Variants in NFS1 observed in about 807,000 individuals in gnomAD.
NFS1 encodes NFS1 cysteine desulfurase.
A neutral mutation model predicts 57.3 loss-of-function variants in NFS1; 26 were observed. The ratio of observed to expected loss-of-function variants is 0.45; its 90% confidence interval spans 0.33 to 0.63. NFS1 has a LOEUF of 0.63. Ranked by LOEUF, NFS1 falls within the 20% of genes least tolerant of loss-of-function variation. The probability of loss-of-function intolerance (pLI) is 0.02; values close to 1 mark genes in which losing one functional copy is unlikely to be tolerated. For missense variants in NFS1, 505 were observed against 605.8 expected (o/e 0.83, Z 1.75); for synonymous variants, 209 against 216.3 (o/e 0.97, Z 0.30).
In NFS1 at chr20:35,698,463, G is replaced by A; in HGVS notation, c.207+18C>T. The A allele has an allele frequency of 6.4e-7, 1 of 1,564,206 alleles. No homozygotes were observed. Among genetic ancestry groups the A allele is most frequent in the East Asian group, 2.3e-5 (1 of 43,768 alleles). ...ATTTACTTCCTATAAGCAGCCTTGG[G>A]AAAAGCTTCATCCTTACCAGAGGAG... is the stretch of plus-strand genomic sequence containing the variant. On this transcript the variant is annotated intron_variant, in intron 2 of 12. Coordinates refer to ENST00000374092, the MANE Select transcript of NFS1 (RefSeq NM_021100.5).
intron 7 of NFS1, among the ~76,000 whole-genome samples, chr20:35,678,071 C>T (rs373085795): frequency 2.0e-5 from 3 of 151,650 alleles, no homozygotes; most frequent in Non-Finnish European, 2.9e-5. Flanking sequence ...AAAATTAGGC[C>T]GGGTGTGGTG....
In NFS1 at chr20:35,697,016, G is replaced by A. The variant is rs112989550; in HGVS notation, c.325-556C>T. ...AGCTACTTGGGAGGCTGAGGTAGGA[G>A]AACTGCTTGAACCCGGGAGGCAGAG... On this transcript the variant is annotated intron_variant, in intron 3 of 12. Coordinates refer to ENST00000374092, the MANE Select transcript of NFS1 (RefSeq NM_021100.5). Among the ~76,000 whole-genome samples, 11 of 152,340 alleles carry A rather than the reference G, an allele frequency of 7.2e-5. 1 individual carries two copies. The highest frequency in any genetic ancestry group is 2.6e-4 in the African/African-American group (11 of 41,572).
At chr20:35,674,485 A>C in intron 9 of NFS1, 27 bp downstream of exon 9, 1 of 1,611,540 alleles carries the variant, frequency 6.2e-7, no homozygotes. Flanking sequence ...CTCTACCAGA[A>C]TGAGGATAGA....
chr20:35,688,252 GA>G (rs1208376021), intron 5 of NFS1, among the ~76,000 whole-genome samples: 36 of 138,206 alleles, frequency 2.6e-4, no homozygotes, highest in East Asian at 4.3e-4. Flanking sequence ...TCCATCTCAA[GA>G]AAAAAAAAAA....
Position 35,669,520 on chromosome 20 carries a change from TACCAATCTAG to T in NFS1, c.*92_*101del, listed in dbSNP as rs1179742012. ...ACTGATGCTGAAGTCAACTGGTCTA[TACCAATCTAG>T]AGCATCCACTAGGTGTAACAAGGTG... is the stretch of plus-strand genomic sequence containing the variant. On this transcript the variant is annotated 3_prime_UTR_variant, in exon 13 of 13. Coordinates refer to ENST00000374092, the MANE Select transcript of NFS1 (RefSeq NM_021100.5). The T allele has an allele frequency of 9.8e-7, 1 of 1,017,726 alleles. No homozygotes were observed. Among genetic ancestry groups the T allele is most frequent in the African/African-American group, 1.6e-5 (1 of 63,422 alleles). The allele number at this position is 1,017,726 out of a possible 1,614,324, so 63.0% of individuals were successfully genotyped here. A position where few individuals can be genotyped will look rare whatever the true frequency, so the allele number is the denominator to read the frequency against.
intron 8 of NFS1, 95 bp from the exon 9 acceptor site, chr20:35,674,712 G>C: frequency 2.1e-6 from 2 of 950,944 alleles, no homozygotes; most frequent in Admixed American, 1.9e-5. Flanking sequence ...AAGTGACTAT[G>C]TATCAGCCCC....
chr20:35,697,932 C>T (rs2035167023), intron 2 of NFS1, 132 bp from the exon 3 acceptor site: 1 of 592,952 alleles, frequency 1.7e-6, no homozygotes, highest in Non-Finnish European at 3.0e-6. Context: ...AGGCCTCAAA[C>T]ATTCTTTTGT....
At chr20:35,696,569 C>T (rs2035137436) in intron 3 of NFS1, 109 bp from the exon 4 acceptor site, 1 of 752,136 alleles carries the variant, frequency 1.3e-6, no homozygotes, top group Admixed American at 2.1e-5. Flanking sequence ...TGCATTCCAC[C>T]AAATTGCCCT....
chr20:35,692,823 G>A (rs1031575251), intron 4 of NFS1, among the ~76,000 whole-genome samples: 3 of 151,946 alleles, frequency 2.0e-5, no homozygotes, highest in South Asian at 2.1e-4. Context: ...TCAACATGGC[G>A]AAACCCCGTC....
intron 5 of NFS1, among the ~76,000 whole-genome samples, chr20:35,689,971 C>T (rs897933791): frequency 4.3e-5 from 6 of 140,102 alleles, no homozygotes; most frequent in Non-Finnish European, 6.2e-5. Context: ...TGGTGGCATG[C>T]GTCTGTAATC....
intron 7 of NFS1, among the ~76,000 whole-genome samples, chr20:35,677,873 G>A (rs1032817284): frequency 1.3e-5 from 2 of 152,114 alleles, no homozygotes; most frequent in African/African-American, 4.8e-5. Context: ...ATTCAAGCCT[G>A]AGTAACATAG....
Position 35,669,654 on chromosome 20 carries a change from C to T in NFS1, c.1342G>A (p.Asp448Asn), listed in dbSNP as rs958398167. The T allele has an allele frequency of 4.3e-6, 7 of 1,614,000 alleles. No individual in the cohort carries two copies. The highest frequency in any genetic ancestry group is 5.1e-6 in the Non-Finnish European group (6 of 1,179,936). Residue 448 changes from aspartate to asparagine, a missense_variant, in exon 13 of 13, where the codon GAC becomes AAC. By Grantham distance (23) the Asp-to-Asn change is conservative (BLOSUM62 1). Coordinates refer to ENST00000374092, the MANE Select transcript of NFS1 (RefSeq NM_021100.5). ...PLWEMVQDGI[D>N]LKSIKWTQH The stretch of plus-strand genomic sequence containing the variant: ...TGGGTCCACTTGATGCTCTTGAGGT[C>T]AATGCCATCCTGAACCATCTCCCAG...
chr20:35,694,372 T>C (rs1169864674), intron 4 of NFS1, among the ~76,000 whole-genome samples: 3 of 152,148 alleles, frequency 2.0e-5, no homozygotes, highest in Non-Finnish European at 2.9e-5. Flanking sequence ...CTCGAACTCC[T>C]GATCTCAGAT....
chr20:35,681,828 A>G lies in NFS1; in HGVS notation c.655+60T>C. 2 of 926,930 alleles carry G rather than the reference A, an allele frequency of 2.2e-6. 1 individual carries two copies. Among genetic ancestry groups the G allele is most frequent in the South Asian group, 2.7e-5 (2 of 75,040 alleles). The allele number at this position is 926,930 out of a possible 1,614,324, so 57.4% of individuals were successfully genotyped here. A position where few individuals can be genotyped will look rare whatever the true frequency, so the allele number is the denominator to read the frequency against. ...TCCATAGAGTATTACAGCTCTCAGT[A>G]TACTACCTCATACAGAGCCCCATGG... On this transcript the variant is annotated intron_variant, in intron 6 of 12. Coordinates refer to ENST00000374092, the MANE Select transcript of NFS1 (RefSeq NM_021100.5).
At chr20:35,687,132 C>G (rs2034958620) in intron 5 of NFS1, among the ~76,000 whole-genome samples, 1 of 152,196 alleles carries the variant, frequency 6.6e-6, no homozygotes, top group Admixed American at 6.5e-5. Context: ...ACACCCACTA[C>G]TTAGCAGACC....
chr20:35,683,070 T>G (rs1224281658), intron 5 of NFS1, among the ~76,000 whole-genome samples: 2 of 149,596 alleles, frequency 1.3e-5, no homozygotes, highest in Non-Finnish European at 3.0e-5. Context: ...AGAACAAGAT[T>G]CCATCTCAAA....
intron 5 of NFS1, among the ~76,000 whole-genome samples, chr20:35,687,900 C>G (rs1043851312): frequency 1.3e-5 from 2 of 152,130 alleles, no homozygotes; most frequent in African/African-American, 4.8e-5. Context: ...GAGTTCACCA[C>G]CAGCCTGGAG....
In NFS1 at chr20:35,690,449, G is replaced by A. The variant is rs765756801; in HGVS notation, c.525C>T (p.Tyr175=). The part of the protein sequence containing the change: ...SLEAEGFQVT[Y]LPVQKSGIID... ...TGATCCCACTCTTCTGCACTGGGAG[G>A]TAGGTGACCTGAAAGCCCTCAGCTT... Residue 175 remains tyrosine, a synonymous_variant, in exon 5 of 13, where the codon TAC becomes TAT. Transcript: ENST00000374092. 1.2e-6 allele frequency: 2 copies of A among 1,613,860 alleles called. No individual in the cohort carries two copies. Among genetic ancestry groups the A allele is most frequent in the Non-Finnish European group, 1.7e-6 (2 of 1,179,996 alleles).
At chr20:35,682,057 T>A (rs1328843419) in intron 5 of NFS1, 76 bp from the exon 6 acceptor site, 1 of 783,516 alleles carries the variant, frequency 1.3e-6, no homozygotes, top group Non-Finnish European at 2.2e-6. Context: ...GCAAACTTAG[T>A]CATGAAAAGG....
Sources: allele counts gnomAD v4.1 joint callset (sites outside exome capture counted in the v4.1 genomes callset), GRCh38; gene constraint gnomAD v4.1.1; transcripts MANE v1.5; gene names NCBI Gene and HGNC (gene_info 2026-07-23, HGNC 2026-07-21).